The following PTPRD variants were observed in gnomAD, a reference collection of about 807,000 sequenced individuals.
The protein encoded by PTPRD is protein tyrosine phosphatase receptor type D, also known as receptor-type tyrosine-protein phosphatase delta.
Under a neutral mutation model 214.5 loss-of-function variants are expected in PTPRD, and 34 were observed. The observed-to-expected ratio is 0.16, with a 90% CI of 0.12 to 0.21. The LOEUF (loss-of-function observed/expected upper bound fraction) is 0.21. PTPRD is among the 10% of genes least tolerant of loss of function. The pLI is 1.00. For synonymous variants in PTPRD, 1,128 were observed against 845.7 expected (o/e 1.33, Z -5.79); for missense variants, 2,545 against 2,398.7 (o/e 1.06, Z -1.27).
intron 19 of PTPRD, 145 bp downstream of exon 19, chr9:8,523,368 A>T: frequency 1.1e-6 from 1 of 911,750 alleles, no homozygotes; most frequent in Admixed American, 2.3e-5. Flanking sequence ...AAGCACCAGA[A>T]GCCATGGCCA....
chr9:8,332,670 T>C (rs1044303781), intron 43 of PTPRD, among the ~76,000 whole-genome samples: 32 of 152,266 alleles, frequency 2.1e-4, no homozygotes, highest in African/African-American at 7.7e-4. Context: ...TGATCCCTTG[T>C]GGAAATTTAA....
chr9:10,066,216 GAATAAAC>G (rs2097881548), intron 3 of PTPRD, among the ~76,000 whole-genome samples: 1 of 151,328 alleles, frequency 6.6e-6, no homozygotes. Flanking sequence ...TTATTGTTAT[GAATAAAC>G]AATAAACAAG....
At chr9:8,615,836 A>G (rs1364223445) in intron 14 of PTPRD, among the ~76,000 whole-genome samples, 2 of 152,102 alleles carry the variant, frequency 1.3e-5, no homozygotes, top group Non-Finnish European at 2.9e-5. Context: ...TGCATTCTAA[A>G]GAGATTTGTC....
chr9:10,320,472 C>T (rs540723277), intron 3 of PTPRD, among the ~76,000 whole-genome samples: 1 of 152,004 alleles, frequency 6.6e-6, no homozygotes, highest in African/African-American at 2.4e-5. Flanking sequence ...TTGTCATGTG[C>T]TTGGTAGGCA....
At chr9:9,546,856 C>T (rs1466568478) in intron 8 of PTPRD, among the ~76,000 whole-genome samples, 1 of 151,368 alleles carries the variant, frequency 6.6e-6, no homozygotes, top group Non-Finnish European at 1.5e-5. Context: ...AAACAGTGTT[C>T]CTCACTAAAA....
intron 5 of PTPRD, among the ~76,000 whole-genome samples, chr9:9,787,749 G>A (rs1274885147): frequency 1.3e-5 from 2 of 150,344 alleles, no homozygotes; most frequent in Non-Finnish European, 3.0e-5. Context: ...ATTTGAATCT[G>A]AACAACGTAT....
intron 11 of PTPRD, among the ~76,000 whole-genome samples, chr9:8,767,235 A>G (rs1327628465): frequency 6.6e-6 from 1 of 151,946 alleles, no homozygotes; most frequent in East Asian, 1.9e-4. Flanking sequence ...CTCCTGCCTC[A>G]GCCTCCCGAG....
chr9:9,960,088 T>A (rs1406265458), intron 4 of PTPRD, among the ~76,000 whole-genome samples: 1 of 151,606 alleles, frequency 6.6e-6, no homozygotes, highest in Non-Finnish European at 1.5e-5. Flanking sequence ...GCTCCTTAAA[T>A]AAACGACTGA....
chr9:8,713,942 T>C (rs2098401042), intron 12 of PTPRD: 3 of 652,076 alleles, frequency 4.6e-6, no homozygotes, highest in African/African-American at 1.8e-5. Context: ...TGGAGGACCA[T>C]GGTGAGAATT....
intron 7 of PTPRD, among the ~76,000 whole-genome samples, chr9:9,686,551 G>A (rs2097170441): frequency 6.6e-6 from 1 of 151,404 alleles, no homozygotes; most frequent in Admixed American, 6.6e-5. Flanking sequence ...TCCAAACAGT[G>A]GTCACCTTTG....
chr9:8,663,823 T>C (rs2154356926), intron 12 of PTPRD, among the ~76,000 whole-genome samples: 1 of 152,056 alleles, frequency 6.6e-6, no homozygotes, highest in African/African-American at 2.4e-5. Context: ...GATGGTACTA[T>C]ATTTGCTTAA....
intron 11 of PTPRD, among the ~76,000 whole-genome samples, chr9:8,845,712 T>A (rs1184046197): frequency 6.6e-6 from 1 of 152,230 alleles, no homozygotes; most frequent in Non-Finnish European, 1.5e-5. Context: ...GGCCCATGTG[T>A]GAGACATACG....
intron 39 of PTPRD, among the ~76,000 whole-genome samples, chr9:8,373,951 CTTTAA>C (rs1245247069): frequency 1.3e-5 from 2 of 150,488 alleles, no homozygotes; most frequent in African/African-American, 4.9e-5. Context: ...AGTGCCTCCA[CTTTAA>C]TTTACGGAAA....
intron 2 of PTPRD, among the ~76,000 whole-genome samples, chr9:10,514,006 T>C (rs757666343): frequency 2.6e-5 from 4 of 152,156 alleles, no homozygotes; most frequent in Non-Finnish European, 5.9e-5. Flanking sequence ...TGCTTACTGT[T>C]CCCTTATGTG....
intron 3 of PTPRD, among the ~76,000 whole-genome samples, chr9:10,281,472 C>T (rs1239758826): frequency 6.6e-6 from 1 of 152,192 alleles, no homozygotes; most frequent in African/African-American, 2.4e-5. Flanking sequence ...CCAAAAGCTA[C>T]AGTTGCTCTT....
intron 7 of PTPRD, among the ~76,000 whole-genome samples, chr9:9,701,722 A>C (rs920380006): frequency 1.5e-4 from 23 of 152,196 alleles, no homozygotes; most frequent in African/African-American, 5.5e-4. Context: ...ATTCCTTTTC[A>C]AATGAGAAGG....
chr9:9,861,375 C>G (rs1176885730), intron 5 of PTPRD, among the ~76,000 whole-genome samples: 1 of 152,044 alleles, frequency 6.6e-6, no homozygotes, highest in East Asian at 1.9e-4. Context: ...ACTGCAACCT[C>G]CGCCTCCCAG....
chr9:10,223,479 T>A (rs1484854582), intron 3 of PTPRD, among the ~76,000 whole-genome samples: 1 of 151,718 alleles, frequency 6.6e-6, no homozygotes. Flanking sequence ...GCCTGGCCAA[T>A]GTGGCAAAAC....
At chr9:8,885,725 G>A (rs1021556049) in intron 11 of PTPRD, among the ~76,000 whole-genome samples, 8 of 151,840 alleles carry the variant, frequency 5.3e-5, no homozygotes, top group African/African-American at 1.9e-4. Flanking sequence ...TTGAACTCCT[G>A]ATCTCAGGCG....
Sources: gnomAD v4.1 joint callset for allele counts (sites outside exome capture counted in the v4.1 genomes callset) on GRCh38, gnomAD v4.1.1 for gene constraint, MANE v1.5 for transcripts, NCBI Gene and HGNC (gene_info 2026-07-23, HGNC 2026-07-21) for gene names.